Variants in ATP2C1 observed in about 807,000 individuals in gnomAD.
ATP2C1 encodes the protein calcium-transporting ATPase type 2C member 1.
ATP2C1 carries 31 observed loss-of-function variants against 120.5 expected under a neutral mutation model. The observed-to-expected ratio is 0.26, with a 90% CI of 0.19 to 0.35. The LOEUF is 0.35. Ranked by LOEUF, ATP2C1 falls within the 10% of genes least tolerant of loss-of-function variation. The pLI, the probability that ATP2C1 is intolerant of heterozygous loss-of-function variation, is 1.00. For synonymous variants in ATP2C1, 351 were observed against 358.7 expected, an observed-to-expected ratio of 0.98 and a Z score of 0.24; for missense variants, 731 against 1,107.5, an observed-to-expected ratio of 0.66 and a Z score of 4.83.
intron 1 of ATP2C1, among the ~76,000 whole-genome samples, chr3:130,861,883 C>T (rs1419389562): frequency 2.6e-5 from 4 of 152,104 alleles, no homozygotes; most frequent in Admixed American, 6.5e-5. Context: ...AATGAATACA[C>T]CCTAAATGTT....
chr3:130,922,763 T>C (rs145476341), intron 2 of ATP2C1, among the ~76,000 whole-genome samples: 18 of 152,352 alleles, frequency 1.2e-4, no homozygotes, highest in African/African-American at 4.3e-4. Flanking sequence ...ATTTATGTAG[T>C]TTTGAGGGTT....
chr3:130,885,973 T>C (rs1202875924), intron 1 of ATP2C1, among the ~76,000 whole-genome samples: 1 of 152,208 alleles, frequency 6.6e-6, no homozygotes, highest in Non-Finnish European at 1.5e-5. Flanking sequence ...CATTAACATC[T>C]TTGTCTTTCA....
intron 1 of ATP2C1, among the ~76,000 whole-genome samples, chr3:130,871,893 G>C (rs376149758): frequency 6.6e-6 from 1 of 152,042 alleles, no homozygotes; most frequent in East Asian, 1.9e-4. Context: ...GTGCTGGCGC[G>C]TGCCTATAAC....
At chr3:131,000,550 G>T (rs766107442) in intron 27 of ATP2C1, among the ~76,000 whole-genome samples, 25 of 152,104 alleles carry the variant, frequency 1.6e-4, no homozygotes, top group Non-Finnish European at 3.1e-4. Context: ...CATTCAAATT[G>T]TCTACTACTG....
intron 13 of ATP2C1, 89 bp downstream of exon 13, chr3:130,964,184 A>G: frequency 6.4e-7 from 1 of 1,566,872 alleles, no homozygotes. Flanking sequence ...TTTTTATCTT[A>G]GAGATTTGCA....
At chr3:130,893,929 C>G, upstream of ATP2C1, 1 of 985,680 alleles carries the variant, frequency 1.0e-6, no homozygotes, top group African/African-American at 1.7e-5. Context: ...TTCACTTCCG[C>G]CTTCCCAGCC....
intron 5 of ATP2C1, among the ~76,000 whole-genome samples, chr3:130,935,034 T>C (rs961968986): frequency 2.0e-5 from 3 of 152,160 alleles, no homozygotes; most frequent in South Asian, 2.1e-4. Flanking sequence ...GGTCTTGTTA[T>C]GTTGCCCAGG....
chr3:130,995,513 T>C, intron 22 of ATP2C1, among the ~76,000 whole-genome samples: 1 of 150,766 alleles, frequency 6.6e-6, no homozygotes, highest in Non-Finnish European at 1.5e-5. Flanking sequence ...TGAAGTATCT[T>C]CTTCAGAATA....
chr3:130,925,588 C>G (rs560983494), intron 2 of ATP2C1, among the ~76,000 whole-genome samples: 4 of 152,272 alleles, frequency 2.6e-5, no homozygotes, highest in African/African-American at 9.6e-5. Context: ...AAGAGCATAT[C>G]AGCTGTGGTG....
chr3:130,871,641 T>A (rs2068433070), intron 1 of ATP2C1, among the ~76,000 whole-genome samples: 1 of 152,262 alleles, frequency 6.6e-6, no homozygotes. Context: ...GCCAGAGGGA[T>A]ACTAATGATG....
At chr3:130,933,481 T>C (rs1470127477) in intron 4 of ATP2C1, among the ~76,000 whole-genome samples, 4 of 152,212 alleles carry the variant, frequency 2.6e-5, no homozygotes, top group Non-Finnish European at 4.4e-5. Flanking sequence ...GGTTCTGTTT[T>C]ACCAGATGAA....
rs973803642 is a variant in ATP2C1, at chr3:130,894,512, GCTCCCGAGATAGTGGCTGGGCGGGGAA to G, written c.-180-73_-180-47del. 4.6e-4 allele frequency: 642 copies of G among 1,388,952 alleles called. 9 individuals are homozygous for G. In the South Asian group the frequency reaches 9.3e-3, roughly 20 times the overall value. 86.0% of individuals were successfully genotyped at this position (1,388,952 alleles called of 1,614,324 possible). ...CGGGTGCGGGATCTTGGGGAGGGGG[GCTCCCGAGATAGTGGCTGGGCGGGGAA>G]CTCCTTCCTCAGCCTCTCGTCAGCG... On this transcript the variant is annotated intron_variant, in intron 1 of 27. Transcript: ENST00000510168. This position sits in a 1 kb window ranked among gnomAD's most constrained non-coding sequence, Gnocchi z 4.5.
intron 2 of ATP2C1, among the ~76,000 whole-genome samples, chr3:130,904,470 TG>T (rs1460316994): frequency 6.6e-6 from 1 of 152,066 alleles, no homozygotes; most frequent in Non-Finnish European, 1.5e-5. Context: ...TGTCTTATGA[TG>T]GGTGAAGTTA....
chr3:130,944,615 G>A (rs2060060837), intron 8 of ATP2C1, among the ~76,000 whole-genome samples: 2 of 152,172 alleles, frequency 1.3e-5, no homozygotes, highest in African/African-American at 4.8e-5. Flanking sequence ...AACATTGACT[G>A]TAGAGCTATA....
intron 1 of ATP2C1, chr3:130,854,127 A>G (rs756416659): frequency 2.0e-5 from 3 of 152,180 alleles, no homozygotes; most frequent in Non-Finnish European, 2.9e-5. Flanking sequence ...ACAGCCATCA[A>G]TAGGTTGGTA....
intron 23 of ATP2C1, 87 bp from the exon 24 acceptor site, chr3:130,996,593 A>G: frequency 1.1e-6 from 1 of 899,860 alleles, no homozygotes; most frequent in Non-Finnish European, 1.9e-6. Flanking sequence ...CATAGTAGTA[A>G]GAGATTTTTA....
chr3:130,877,475 A>G (rs1000742695), intron 1 of ATP2C1, among the ~76,000 whole-genome samples: 4 of 152,244 alleles, frequency 2.6e-5, no homozygotes, highest in African/African-American at 9.6e-5. Flanking sequence ...AAGAGTGGGC[A>G]AAGGATATGA....
Position 130,916,293 on chromosome 3 carries a change from G to C in ATP2C1, c.7-14123G>C, listed in dbSNP as rs557689674. ...TAGCCAGGCATGGCTGCATGTGCCT[G>C]TAATCCCAGCTACTTGGGAGGCTGA... On this transcript the variant is annotated intron_variant, in intron 2 of 27. Coordinates refer to ENST00000510168, the MANE Select transcript of ATP2C1 (RefSeq NM_001378687.1). 1.5e-3 allele frequency among the ~76,000 whole-genome samples: 221 copies of C among 151,728 alleles called. 2 individuals carry two copies. The highest frequency in any genetic ancestry group is 1.3e-3 in the Non-Finnish European group (87 of 67,912).
At chr3:130,876,739 T>A (rs2068617213) in intron 1 of ATP2C1, among the ~76,000 whole-genome samples, 1 of 152,074 alleles carries the variant, frequency 6.6e-6, no homozygotes, top group Admixed American at 6.5e-5. Flanking sequence ...TTCTTTCAAT[T>A]CATGAGCATA....
Sources: gnomAD v4.1 joint callset for allele counts (sites outside exome capture counted in the v4.1 genomes callset) on GRCh38, gnomAD v4.1.1 for gene constraint, Gnocchi (gnomAD v3.1) non-coding constraint, MANE v1.5 for transcripts, NCBI Gene and HGNC (gene_info 2026-07-23, HGNC 2026-07-21) for gene names.